The following SLC9C2 variants were observed in gnomAD, a reference collection of about 807,000 sequenced individuals.
SLC9C2 encodes the protein sodium/hydrogen exchanger 11.
Under a neutral mutation model 140.2 loss-of-function variants are expected in SLC9C2, and 75 were observed. The ratio of observed to expected loss-of-function variants is 0.53; its 90% CI spans 0.44 to 0.65. The LOEUF is 0.65. SLC9C2 is among the 30% of genes least tolerant of loss of function. The pLI, the probability that SLC9C2 is intolerant of heterozygous loss-of-function variation, is 0.00. For synonymous variants in SLC9C2, 375 were observed against 420.9 expected (o/e 0.89, Z 1.34); for missense variants, 1,074 against 1,331.8 (o/e 0.81, Z 3.01).
Position 173,576,367 on chromosome 1 carries a change from A to ATTATG in SLC9C2, c.902+293_902+294insCATAA, listed in dbSNP as rs539609555. 2.2e-3 allele frequency among the ~76,000 whole-genome samples: 335 copies of ATTATG among 152,300 alleles called. 3 individuals are homozygous for ATTATG. Among genetic ancestry groups the ATTATG allele is most frequent in the African/African-American group, 7.8e-3 (323 of 41,560 alleles). ...TATTTAGGTATATTATGAAGGAAAC[A>ATTATG]AAGAAAAAATGTATCTTTAAATCTC... On this transcript the variant is annotated intron_variant, in intron 8 of 27. Coordinates refer to ENST00000367714, the MANE Select transcript of SLC9C2 (RefSeq NM_178527.4).
At chr1:173,536,225 T>A (rs982054156) in intron 14 of SLC9C2, among the ~76,000 whole-genome samples, 1 of 152,192 alleles carries the variant, frequency 6.6e-6, no homozygotes, top group Non-Finnish European at 1.5e-5. Context: ...CTTTCCTTTG[T>A]CATGCTGGTC....
At chr1:173,507,175 G>T in intron 24 of SLC9C2, 134 bp from the exon 25 acceptor site, 1 of 691,642 alleles carries the variant, frequency 1.4e-6, no homozygotes, top group Non-Finnish European at 2.4e-6. Flanking sequence ...CCAACAGACA[G>T]GATTTATTTA....
At chr1:173,515,935 A>G (rs1036864686) in intron 23 of SLC9C2, among the ~76,000 whole-genome samples, 11 of 152,216 alleles carry the variant, frequency 7.2e-5, no homozygotes, top group African/African-American at 2.6e-4. Context: ...GGGCTGCTGC[A>G]GTTTGCTGGG....
At chr1:173,517,957 T>C (rs1044662445) in intron 22 of SLC9C2, among the ~76,000 whole-genome samples, 27 of 152,086 alleles carry the variant, frequency 1.8e-4, no homozygotes, top group Admixed American at 3.3e-4. Flanking sequence ...CTTATACCTG[T>C]CTTATACAAA....
intron 9 of SLC9C2, among the ~76,000 whole-genome samples, chr1:173,571,282 G>T (rs1664828859): frequency 6.6e-6 from 1 of 152,124 alleles, no homozygotes; most frequent in Admixed American, 6.5e-5. Context: ...TCATACGTGG[G>T]TTCTTTCTCT....
intron 11 of SLC9C2, among the ~76,000 whole-genome samples, chr1:173,550,910 A>AC: frequency 2.1e-5 from 1 of 47,780 alleles, no homozygotes; most frequent in South Asian, 6.6e-4. Context: ...GAGAGAGAGA[A>AC]GGAAGGGAAG....
chr1:173,552,004 A>G (rs1663348229), intron 11 of SLC9C2, among the ~76,000 whole-genome samples: 1 of 152,222 alleles, frequency 6.6e-6, no homozygotes, highest in African/African-American at 2.4e-5. Flanking sequence ...GTGCTACTCC[A>G]GTGAACACAC....
At chr1:173,568,618 T>A (rs1168196304) in intron 9 of SLC9C2, among the ~76,000 whole-genome samples, 1 of 152,198 alleles carries the variant, frequency 6.6e-6, no homozygotes, top group Non-Finnish European at 1.5e-5. Context: ...TATAGTAAAA[T>A]GATTTATATT....
At chr1:173,566,374 T>A (rs1470449003) in intron 9 of SLC9C2, among the ~76,000 whole-genome samples, 1 of 152,142 alleles carries the variant, frequency 6.6e-6, no homozygotes. Context: ...TATTGGTCTG[T>A]TCAGGTTTTG....
At chr1:173,521,205 A>C (rs918302353) in intron 22 of SLC9C2, 96 bp downstream of exon 22, 1 of 683,678 alleles carries the variant, frequency 1.5e-6, no homozygotes, top group Non-Finnish European at 2.3e-6. Flanking sequence ...TAAAAATTTA[A>C]ACTTTTTCAG....
At chr1:173,508,034 C>T (rs1571422996) in intron 24 of SLC9C2, among the ~76,000 whole-genome samples, 5 of 152,242 alleles carry the variant, frequency 3.3e-5, no homozygotes, top group African/African-American at 1.2e-4. Context: ...GGCACAGCTA[C>T]ATGAGCCAGT....
intron 4 of SLC9C2, among the ~76,000 whole-genome samples, chr1:173,595,403 C>G (rs1666387833): frequency 6.6e-6 from 1 of 152,074 alleles, no homozygotes; most frequent in South Asian, 2.1e-4. Flanking sequence ...CTGATTTGAC[C>G]CCCTTATTAA....
intron 21 of SLC9C2, among the ~76,000 whole-genome samples, chr1:173,521,661 A>G (rs1660832256): frequency 6.6e-6 from 1 of 151,442 alleles, no homozygotes; most frequent in South Asian, 2.1e-4. Flanking sequence ...CAGGCAAACA[A>G]ACTTTGACTT....
At chr1:173,601,500 A>T in intron 2 of SLC9C2, 150 bp downstream of exon 2, 1 of 822,980 alleles carries the variant, frequency 1.2e-6, no homozygotes, top group Non-Finnish European at 1.9e-6. Flanking sequence ...CACTACTTAT[A>T]ATTAAATGAA....
intron 9 of SLC9C2, among the ~76,000 whole-genome samples, chr1:173,564,572 GTTTGA>G (rs1483565095): frequency 6.7e-6 from 1 of 150,302 alleles, no homozygotes; most frequent in Non-Finnish European, 1.5e-5. Context: ...CCTATGACTT[GTTTGA>G]GCTCCTTATA....
intron 25 of SLC9C2, 54 bp downstream of exon 25, chr1:173,506,802 C>A: frequency 1.4e-6 from 2 of 1,463,626 alleles, no homozygotes; most frequent in South Asian, 2.6e-5. Context: ...GTTTTAAAGT[C>A]ACTTTTGGAG....
intron 13 of SLC9C2, among the ~76,000 whole-genome samples, chr1:173,546,897 T>G (rs1662888235): frequency 6.6e-6 from 1 of 152,268 alleles, no homozygotes; most frequent in East Asian, 1.9e-4. Flanking sequence ...ACTGAAATAT[T>G]TACAGATGTA....
At chr1:173,526,124 C>T (rs1298287016) in intron 19 of SLC9C2, among the ~76,000 whole-genome samples, 1 of 151,594 alleles carries the variant, frequency 6.6e-6, no homozygotes, top group East Asian at 1.9e-4. Context: ...GCCTGGCCCA[C>T]AGCCCCCCAT....
At chr1:173,558,801 T>C (rs1558065650) in intron 9 of SLC9C2, among the ~76,000 whole-genome samples, 1 of 152,238 alleles carries the variant, frequency 6.6e-6, no homozygotes, top group African/African-American at 2.4e-5. Flanking sequence ...TTTTCTCTAG[T>C]CTTTACAGAA....
Sources: allele counts gnomAD v4.1 joint callset (sites outside exome capture counted in the v4.1 genomes callset), GRCh38; gene constraint gnomAD v4.1.1; transcripts MANE v1.5; gene names NCBI Gene and HGNC (gene_info 2026-07-23, HGNC 2026-07-21).